The following CDKAL1 variants were observed in gnomAD, a reference collection of about 807,000 sequenced individuals.
CDKAL1 encodes CDKAL1 threonylcarbamoyladenosine tRNA methylthiotransferase, also known as threonylcarbamoyladenosine tRNA methylthiotransferase.
CDKAL1 carries 32 observed loss-of-function variants against 68.2 expected under a neutral mutation model. The ratio of observed to expected loss-of-function variants is 0.47; its 90% CI spans 0.35 to 0.63. The LOEUF is 0.63. CDKAL1 is among the 30% of genes least tolerant of loss of function. The probability of loss-of-function intolerance (pLI) is 0.00; values close to 1 mark genes in which losing one functional copy is unlikely to be tolerated. For missense variants in CDKAL1, 606 were observed against 696.7 expected (o/e 0.87, Z 1.47); for synonymous variants, 234 against 244.3 (o/e 0.96, Z 0.39).
intron 11 of CDKAL1, 110 bp from the exon 12 acceptor site, chr6:21,064,938 T>C: frequency 1.5e-6 from 1 of 682,966 alleles, no homozygotes; most frequent in Non-Finnish European, 2.2e-6. Context: ...ACGTGTGCTT[T>C]TTATAAAAAT....
At chr6:20,602,434 CT>C (rs1249994711) in intron 4 of CDKAL1, among the ~76,000 whole-genome samples, 4 of 152,002 alleles carry the variant, frequency 2.6e-5, no homozygotes, top group Admixed American at 6.6e-5. Context: ...GATTGGACTC[CT>C]TCATGTCAAG....
intron 5 of CDKAL1, among the ~76,000 whole-genome samples, chr6:20,721,055 G>T (rs1043603021): frequency 2.0e-5 from 3 of 152,078 alleles, no homozygotes; most frequent in Non-Finnish European, 4.4e-5. Flanking sequence ...TTGGTATGCT[G>T]CACCCGTTAA....
chr6:20,865,550 T>C (rs1425932946), intron 9 of CDKAL1, among the ~76,000 whole-genome samples: 1 of 152,086 alleles, frequency 6.6e-6, no homozygotes, highest in Non-Finnish European at 1.5e-5. Flanking sequence ...TTAATATTTG[T>C]ATTAGTAAAC....
intron 4 of CDKAL1, among the ~76,000 whole-genome samples, chr6:20,550,000 A>G (rs927947094): frequency 5.3e-5 from 8 of 150,208 alleles, no homozygotes; most frequent in Non-Finnish European, 1.0e-4. Context: ...TTTTTTTTAG[A>G]CAGAGTCTCG....
intron 13 of CDKAL1, among the ~76,000 whole-genome samples, chr6:21,157,901 G>A (rs998573795): frequency 1.3e-5 from 2 of 152,180 alleles, no homozygotes; most frequent in African/African-American, 4.8e-5. Flanking sequence ...TGTTTATTTG[G>A]AAAAGAAATG....
chr6:21,135,570 T>C (rs908761809), intron 13 of CDKAL1: 4 of 447,546 alleles, frequency 8.9e-6, no homozygotes, highest in African/African-American at 8.6e-5. Flanking sequence ...GGTTAAAAAC[T>C]ACTTTTCCCC....
intron 13 of CDKAL1, among the ~76,000 whole-genome samples, chr6:21,113,118 C>T (rs368250650): frequency 6.6e-6 from 1 of 152,120 alleles, no homozygotes; most frequent in Non-Finnish European, 1.5e-5. Flanking sequence ...TGCAGCTGCC[C>T]AAGACCACTT....
At chr6:20,962,586 T>C (rs1765107988) in intron 10 of CDKAL1, among the ~76,000 whole-genome samples, 1 of 152,226 alleles carries the variant, frequency 6.6e-6, no homozygotes, top group Admixed American at 6.5e-5. Flanking sequence ...GCAAACTCAA[T>C]ACATGCTGTG....
chr6:20,980,564 A>G (rs973161400), intron 10 of CDKAL1, among the ~76,000 whole-genome samples: 1 of 152,148 alleles, frequency 6.6e-6, no homozygotes, highest in African/African-American at 2.4e-5. Context: ...TTTCCTTTGG[A>G]TTGTTATTAA....
intron 9 of CDKAL1, among the ~76,000 whole-genome samples, chr6:20,953,880 A>G (rs1018162592): frequency 4.6e-5 from 7 of 152,200 alleles, no homozygotes; most frequent in Non-Finnish European, 8.8e-5. Context: ...TTCAGATGCT[A>G]AAAATATCTT....
At chr6:21,040,252 A>G (rs1364311936) in intron 11 of CDKAL1, among the ~76,000 whole-genome samples, 2 of 152,174 alleles carry the variant, frequency 1.3e-5, no homozygotes, top group Non-Finnish European at 2.9e-5. Flanking sequence ...CCTAAAGTAC[A>G]CAACAGATGG....
At chr6:20,763,310 A>G (rs1278278054) in intron 7 of CDKAL1, among the ~76,000 whole-genome samples, 1 of 152,104 alleles carries the variant, frequency 6.6e-6, no homozygotes, top group African/African-American at 2.4e-5. Flanking sequence ...AGGTTTCTGC[A>G]GCTCTTCTCT....
At chr6:20,676,253 T>A (rs1770090519) in intron 5 of CDKAL1, among the ~76,000 whole-genome samples, 1 of 152,178 alleles carries the variant, frequency 6.6e-6, no homozygotes, top group South Asian at 2.1e-4. Flanking sequence ...GTGTTTATTG[T>A]ACATTTTAGT....
intron 4 of CDKAL1, among the ~76,000 whole-genome samples, chr6:20,627,814 A>G (rs982732508): frequency 2.0e-5 from 3 of 152,196 alleles, no homozygotes; most frequent in Non-Finnish European, 4.4e-5. Flanking sequence ...TTTGTTAGCT[A>G]TACACCTAAG....
chr6:20,608,323 A>C (rs539197914), intron 4 of CDKAL1, among the ~76,000 whole-genome samples: 2 of 152,332 alleles, frequency 1.3e-5, no homozygotes, highest in Admixed American at 6.5e-5. Context: ...TTGTATACTT[A>C]AGGAAATTGA....
intron 4 of CDKAL1, among the ~76,000 whole-genome samples, chr6:20,640,654 A>G (rs756456456): frequency 6.6e-6 from 1 of 152,150 alleles, no homozygotes; most frequent in Non-Finnish European, 1.5e-5. Context: ...GCCATGTAAT[A>G]TTACTTATTT....
chr6:21,058,875 C>CA (rs1285230970), intron 11 of CDKAL1, among the ~76,000 whole-genome samples: 5 of 152,160 alleles, frequency 3.3e-5, no homozygotes, highest in African/African-American at 1.2e-4. Flanking sequence ...GTGGGGGTCT[C>CA]ACCTAGTCAG....
intron 6 of CDKAL1, among the ~76,000 whole-genome samples, chr6:20,740,704 T>G (rs1773417971): frequency 6.6e-6 from 1 of 152,222 alleles, no homozygotes; most frequent in Non-Finnish European, 1.5e-5. Flanking sequence ...ATGAACTTGT[T>G]TTCTGCTGTG....
chr6:21,160,383 T>C (rs1582326288), intron 13 of CDKAL1, among the ~76,000 whole-genome samples: 2 of 151,698 alleles, frequency 1.3e-5, no homozygotes, highest in Admixed American at 1.3e-4. Context: ...CTGCAACCTC[T>C]GCCTCCCGGG....
Sources: allele counts gnomAD v4.1 joint callset (sites outside exome capture counted in the v4.1 genomes callset), GRCh38; gene constraint gnomAD v4.1.1; transcripts MANE v1.5; gene names NCBI Gene and HGNC (gene_info 2026-07-23, HGNC 2026-07-21).